NCALD: variants seen among roughly 807,000 people sequenced by gnomAD.
The protein encoded by NCALD is neurocalcin-delta.
Under a neutral mutation model 18.6 loss-of-function variants are expected in NCALD, and 10 were observed. The ratio of observed to expected loss-of-function variants is 0.54; its 90% CI spans 0.33 to 0.91. The LOEUF (loss-of-function observed/expected upper bound fraction) is 0.91, where lower values mean the gene tolerates loss of function less well. Ranked by LOEUF, NCALD falls within the 40% of genes least tolerant of loss-of-function variation. The pLI is 0.03. For synonymous variants in NCALD, 88 were observed against 87.4 expected, an observed-to-expected ratio of 1.01 and a Z score of -0.04; for missense variants, 184 against 247.6, an observed-to-expected ratio of 0.74 and a Z score of 1.72.
At chr8:101,966,581 AT>A (rs1364233574) in intron 2 of NCALD, among the ~76,000 whole-genome samples, 1 of 152,074 alleles carries the variant, frequency 6.6e-6, no homozygotes. Flanking sequence ...ATGTATACAT[AT>A]GTAACAAACC....
At chr8:101,785,626 C>A (rs1453508886) in intron 1 of NCALD, among the ~76,000 whole-genome samples, 1 of 152,086 alleles carries the variant, frequency 6.6e-6, no homozygotes, top group African/African-American at 2.4e-5. Flanking sequence ...ACAGCAGTGA[C>A]CCTGTCCTGA....
chr8:101,687,331 G>C lies in NCALD; in HGVS notation c.*1978C>G, dbSNP rs933745836. 1.3e-5 allele frequency: 2 copies of C among 152,696 alleles called. No homozygotes were observed. Among genetic ancestry groups the C allele is most frequent in the Admixed American group, 6.5e-5 (1 of 15,286 alleles). The allele number at this position is 152,696 out of a possible 1,614,324, so 9.5% of individuals were successfully genotyped here. ...AGGGCATGCTAGGTCTCCTCACCCAGTCTGCCTTCTGTGTCTTAGGTTAAT... is the reference window on the plus strand; with the variant it reads ...AGGGCATGCTAGGTCTCCTCACCCACTCTGCCTTCTGTGTCTTAGGTTAAT... On this transcript the variant is annotated 3_prime_UTR_variant, in exon 4 of 4. Coordinates refer to ENST00000220931, the MANE Select transcript of NCALD (RefSeq NM_032041.3).
intron 1 of NCALD, among the ~76,000 whole-genome samples, chr8:102,057,699 TA>T (rs1823703128): frequency 6.6e-6 from 1 of 152,254 alleles, no homozygotes; most frequent in Non-Finnish European, 1.5e-5. Context: ...TTACTTCTTT[TA>T]ATTCCACACT....
chr8:101,869,061 G>C (rs926514370), intron 4 of NCALD, among the ~76,000 whole-genome samples: 3 of 152,188 alleles, frequency 2.0e-5, no homozygotes, highest in African/African-American at 7.2e-5. Context: ...AGGGTGCAGT[G>C]ATGGTAAAGG....
chr8:101,710,265 C>T (rs185977449), intron 2 of NCALD, among the ~76,000 whole-genome samples: 1 of 152,338 alleles, frequency 6.6e-6, no homozygotes, highest in Admixed American at 6.5e-5. Context: ...GTCTTCACAA[C>T]CCGCAGACTG....
chr8:101,860,994 A>G (rs1320206694), intron 4 of NCALD, among the ~76,000 whole-genome samples: 3 of 152,144 alleles, frequency 2.0e-5, no homozygotes, highest in Non-Finnish European at 4.4e-5. Context: ...TAAATAAATT[A>G]TATCTAAAAG....
intron 4 of NCALD, among the ~76,000 whole-genome samples, chr8:101,833,621 T>G (rs1249471975): frequency 1.0e-3 from 149 of 148,506 alleles, no homozygotes; most frequent in Non-Finnish European, 1.9e-3. Context: ...TTTTTTTTTT[T>G]TTTTTTTTTT....
At chr8:102,043,953 T>C (rs892911904) in intron 1 of NCALD, among the ~76,000 whole-genome samples, 24 of 151,848 alleles carry the variant, frequency 1.6e-4, no homozygotes, top group Admixed American at 1.6e-3. Flanking sequence ...GTTACATTCT[T>C]ACGGGGAAGA....
At chr8:102,096,003 C>A (rs1403893000) in intron 1 of NCALD, among the ~76,000 whole-genome samples, 1 of 152,210 alleles carries the variant, frequency 6.6e-6, no homozygotes, top group African/African-American at 2.4e-5. Flanking sequence ...CCAGGAATCT[C>A]CCCAGGCCTG....
intron 2 of NCALD, among the ~76,000 whole-genome samples, chr8:101,949,604 T>A (rs1266525316): frequency 6.6e-6 from 1 of 152,152 alleles, no homozygotes; most frequent in Non-Finnish European, 1.5e-5. Flanking sequence ...ACTAAACAGC[T>A]GATCAAACTC....
chr8:101,896,685 C>G (rs1029539315), intron 3 of NCALD, among the ~76,000 whole-genome samples: 1 of 150,158 alleles, frequency 6.7e-6, no homozygotes, highest in Admixed American at 6.6e-5. Context: ...AACAAACAAC[C>G]CCATCAAAAA....
intron 1 of NCALD, among the ~76,000 whole-genome samples, chr8:102,061,027 C>T (rs1469582929): frequency 6.6e-6 from 1 of 152,138 alleles, no homozygotes; most frequent in East Asian, 1.9e-4. Context: ...GTCCCAGACT[C>T]CCGCCCCCAC....
At chr8:101,830,865 T>C (rs1427014028) in intron 4 of NCALD, among the ~76,000 whole-genome samples, 1 of 151,902 alleles carries the variant, frequency 6.6e-6, no homozygotes, top group African/African-American at 2.4e-5. Flanking sequence ...GGAATACTTT[T>C]AAGTTGCTTG....
chr8:101,831,593 C>T (rs1814188538), intron 4 of NCALD, among the ~76,000 whole-genome samples: 1 of 152,146 alleles, frequency 6.6e-6, no homozygotes. Context: ...GACTTGCTTT[C>T]CCCTAAAAGG....
chr8:102,116,306 T>C (rs1012089646), intron 1 of NCALD, among the ~76,000 whole-genome samples: 1 of 152,186 alleles, frequency 6.6e-6, no homozygotes, highest in Non-Finnish European at 1.5e-5. Context: ...CTCTACTGTG[T>C]GTCAAGGAAC....
intron 4 of NCALD, among the ~76,000 whole-genome samples, chr8:101,870,904 C>A (rs190890838): frequency 0.032 from 2,627 of 82,768 alleles, 278 homozygotes; most frequent in African/African-American, 0.12. Flanking sequence ...CCCACCCCCC[C>A]CCCCCAAAAA....
chr8:101,831,459 T>C lies in NCALD; in HGVS notation c.-20+55682A>G, dbSNP rs535470386. The stretch of plus-strand genomic sequence containing the variant: ...ATTCACTGGTGAATCAGAATTGTAA[T>C]AGTCTGATAAGTTAAACTCATCAAA... On this transcript the variant is annotated intron_variant, in intron 4 of 6. Coordinates refer to the NCALD transcript ENST00000311028. Among the ~76,000 whole-genome samples, 8 of 152,300 alleles carry C rather than the reference T, an allele frequency of 5.3e-5. No homozygotes were observed. The South Asian group carries it at 1.5e-3, about 28-fold the overall frequency.
intron 2 of NCALD, among the ~76,000 whole-genome samples, chr8:101,983,386 T>A (rs1486454664): frequency 6.6e-6 from 1 of 152,218 alleles, no homozygotes; most frequent in East Asian, 1.9e-4. Context: ...TCCGTCCCTA[T>A]GCCATGGCCT....
At chr8:101,716,343 T>A (rs556063354) in intron 2 of NCALD, among the ~76,000 whole-genome samples, 3 of 151,934 alleles carry the variant, frequency 2.0e-5, no homozygotes, top group Non-Finnish European at 4.4e-5. Context: ...AGGGGAGGGA[T>A]AGCATTAGGA....
Sources: gnomAD v4.1 joint callset for allele counts (sites outside exome capture counted in the v4.1 genomes callset) on GRCh38, gnomAD v4.1.1 for gene constraint, MANE v1.5 for transcripts, NCBI Gene and HGNC (gene_info 2026-07-23, HGNC 2026-07-21) for gene names.